The following TIMP2 variants were observed in gnomAD, a reference collection of about 807,000 sequenced individuals.
TIMP2 encodes metalloproteinase inhibitor 2.
TIMP2 carries 5 observed loss-of-function variants against 24.3 expected under a neutral mutation model. The observed-to-expected ratio is 0.21, with a 90% CI of 0.11 to 0.43. The LOEUF (loss-of-function observed/expected upper bound fraction) is 0.43. TIMP2 is among the 20% of genes least tolerant of loss of function. The probability of loss-of-function intolerance (pLI) is 1.00; values close to 1 mark genes in which losing one functional copy is unlikely to be tolerated. For synonymous variants in TIMP2, 130 were observed against 123.2 expected (o/e 1.06, Z -0.37); for missense variants, 221 against 297.5 (o/e 0.74, Z 1.89).
intron 3 of TIMP2, among the ~76,000 whole-genome samples, chr17:78,862,171 C>A (rs141269986): frequency 6.6e-6 from 1 of 152,206 alleles, no homozygotes; most frequent in Admixed American, 6.5e-5. Context: ...CGACTCGACA[C>A]GTGAGACTGA....
chr17:78,892,311 G>C, intron 1 of TIMP2: 2 of 1,550,674 alleles, frequency 1.3e-6, no homozygotes, highest in Non-Finnish European at 8.7e-7. Context: ...CAGAGGCTCA[G>C]CCACATGGCT....
At chr17:78,879,995 G>A (rs1344494386) in intron 1 of TIMP2, among the ~76,000 whole-genome samples, 1 of 152,140 alleles carries the variant, frequency 6.6e-6, no homozygotes, top group Non-Finnish European at 1.5e-5. Context: ...GACTTCGACA[G>A]TCACAACCGC....
rs1431388778 is a variant in TIMP2, at chr17:78,920,437, T to C, written c.130+4522A>G. Among the ~76,000 whole-genome samples, 1 of 152,124 alleles carries C rather than the reference T, an allele frequency of 6.6e-6. No homozygotes were observed. Among genetic ancestry groups the C allele is most frequent in the Non-Finnish European group, 1.5e-5 (1 of 68,030 alleles). On this transcript the variant is annotated intron_variant, in intron 1 of 4. Coordinates refer to ENST00000262768, the MANE Select transcript of TIMP2 (RefSeq NM_003255.5). The surrounding 1 kb of genome is among the most constrained non-coding windows in gnomAD (Gnocchi z 4.5). ...GATCCCAGATAGGGAGAAACGTGTGTTGTCCAGAGAGCTCCTTCCAGCACC... is the reference window on the plus strand; with the variant it reads ...GATCCCAGATAGGGAGAAACGTGTGCTGTCCAGAGAGCTCCTTCCAGCACC...
chr17:78,907,883 C>T (rs1373551791), intron 1 of TIMP2, among the ~76,000 whole-genome samples: 4 of 152,178 alleles, frequency 2.6e-5, no homozygotes, highest in African/African-American at 4.8e-5. Context: ...TCTGTAGTCC[C>T]GGCACTCTGG....
intron 3 of TIMP2, among the ~76,000 whole-genome samples, chr17:78,865,233 A>G (rs1180743216): frequency 6.6e-6 from 1 of 152,106 alleles, no homozygotes; most frequent in Non-Finnish European, 1.5e-5. Context: ...GGGCAAACAG[A>G]GGAACAGGGA....
At chr17:78,912,160 G>C (rs573717660) in intron 1 of TIMP2, among the ~76,000 whole-genome samples, 18 of 152,294 alleles carry the variant, frequency 1.2e-4, no homozygotes, top group Middle Eastern at 3.4e-3. Flanking sequence ...ACACAGTCGG[G>C]ATTCAGAACC....
At chr17:78,867,269 AAAAGTGCTC>A (rs2069624833) in intron 3 of TIMP2, among the ~76,000 whole-genome samples, 1 of 152,156 alleles carries the variant, frequency 6.6e-6, no homozygotes, top group South Asian at 2.1e-4. Context: ...TGAGAATAAG[AAAAGTGCTC>A]ATAATAAAAC....
chr17:78,894,690 T>C (rs980425748), intron 1 of TIMP2, among the ~76,000 whole-genome samples: 1 of 152,020 alleles, frequency 6.6e-6, no homozygotes, highest in Admixed American at 6.6e-5. Flanking sequence ...TCTACAACTA[T>C]AAACGCTTAG....
intron 1 of TIMP2, chr17:78,898,630 A>G (rs1658906975): frequency 6.6e-6 from 1 of 152,168 alleles, no homozygotes; most frequent in Admixed American, 6.5e-5. Flanking sequence ...TGATTTGTCA[A>G]CATGCACAGA....
intron 1 of TIMP2, among the ~76,000 whole-genome samples, chr17:78,921,393 G>A (rs2070307581): frequency 6.6e-6 from 1 of 152,236 alleles, no homozygotes; most frequent in Non-Finnish European, 1.5e-5. Context: ...CTAGGATAAT[G>A]TGTGGCCTTA....
Position 78,876,607 on chromosome 17 carries a change from C to T in TIMP2, c.131-2688G>A, listed in dbSNP as rs538742204. 7.2e-4 allele frequency among the ~76,000 whole-genome samples: 110 copies of T among 152,302 alleles called. 1 individual carries two copies. In the South Asian group the frequency reaches 0.011, roughly 15 times the overall value. On this transcript the variant is annotated intron_variant, in intron 1 of 4. Transcript: ENST00000262768. ...TCTCAGCTCACTGCAACCTCCACCT[C>T]CCAGGTTCAAGCAATTCTCCTGCCT... is the stretch of plus-strand genomic sequence containing the variant.
intron 1 of TIMP2, among the ~76,000 whole-genome samples, chr17:78,906,139 G>A (rs1300969330): frequency 1.3e-5 from 2 of 152,224 alleles, no homozygotes; most frequent in African/African-American, 2.4e-5. Context: ...AGGAAGCCAA[G>A]GCAGGTAGAT....
At chr17:78,909,935 T>G (rs1211401592) in intron 1 of TIMP2, among the ~76,000 whole-genome samples, 1 of 152,140 alleles carries the variant, frequency 6.6e-6, no homozygotes, top group Non-Finnish European at 1.5e-5. Context: ...GTCCGTCTAG[T>G]ACTGGGACCC....
rs1350625052 is a variant in TIMP2, at chr17:78,857,798, G to A, written c.341-152C>T. 8 of 1,037,662 alleles carry A rather than the reference G, an allele frequency of 7.7e-6. 1 individual carries two copies. Among genetic ancestry groups the A allele is most frequent in the South Asian group, 3.2e-5 (2 of 62,656 alleles). 64.3% of individuals were successfully genotyped at this position (1,037,662 alleles called of 1,614,324 possible). ...TAAAACACAGTGGGTGGCCAGGCAC[G>A]GTGGCTCACTCCTGTAATCCCAGCA... On this transcript the variant is annotated intron_variant, in intron 3 of 4. Coordinates refer to ENST00000262768, the MANE Select transcript of TIMP2 (RefSeq NM_003255.5).
intron 1 of TIMP2, among the ~76,000 whole-genome samples, chr17:78,914,138 A>G (rs1045339936): frequency 1.3e-4 from 20 of 152,182 alleles, no homozygotes; most frequent in African/African-American, 4.8e-4. Context: ...AGCTGCGACT[A>G]ACGCTGGCTG....
At chr17:78,889,107 T>C (rs1164379848) in intron 1 of TIMP2, among the ~76,000 whole-genome samples, 2 of 152,240 alleles carry the variant, frequency 1.3e-5, no homozygotes, top group Non-Finnish European at 1.5e-5. Context: ...CTGTGGCTGC[T>C]TCTGAGCAGC....
chr17:78,908,337 T>C (rs779160955), intron 1 of TIMP2, among the ~76,000 whole-genome samples: 8 of 152,146 alleles, frequency 5.3e-5, no homozygotes, highest in East Asian at 1.9e-4. Context: ...CTCCAAGATA[T>C]AGGGCTGCCT....
rs553632466 is a variant in TIMP2 at position 78,900,810 on chromosome 17, C to A, written c.130+24149G>T. Among the ~76,000 whole-genome samples the A allele has an allele frequency of 1.3e-3, 191 of 152,274 alleles. 2 individuals are homozygous for A. The highest frequency in any genetic ancestry group is 4.3e-3 in the African/African-American group (178 of 41,560). On this transcript the variant is annotated intron_variant, in intron 1 of 4. Transcript: ENST00000262768. ...CACATCTAAAACTTATATGTGGGTC[C>A]CTAAATCCAACTATGCAAGTACAGA...
rs1384907365 is a variant in TIMP2 at position 78,915,622 on chromosome 17, C to A, written c.130+9337G>T. Among the ~76,000 whole-genome samples the A allele has an allele frequency of 2.0e-5, 3 of 151,636 alleles. No homozygotes were observed. The East Asian group carries it at 5.8e-4, about 29-fold the overall frequency. ...GCAACCTCTGCTTCCCAGGTTCAAG[C>A]GATTCTCATGCCTCAGCCTCCCGAG... On this transcript the variant is annotated intron_variant, in intron 1 of 4. Transcript: ENST00000262768.
Sources: gnomAD v4.1 joint callset for allele counts (sites outside exome capture counted in the v4.1 genomes callset) on GRCh38, gnomAD v4.1.1 for gene constraint, Gnocchi (gnomAD v3.1) non-coding constraint, MANE v1.5 for transcripts, NCBI Gene and HGNC (gene_info 2026-07-23, HGNC 2026-07-21) for gene names.